The following ZNF804A variants were observed in gnomAD, a reference collection of about 807,000 sequenced individuals.
ZNF804A encodes zinc finger protein 804A.
ZNF804A carries 2 observed loss-of-function variants against 16.5 expected under a neutral mutation model. That is an observed-to-expected ratio of 0.12 (90% CI 0.05 to 0.38). ZNF804A has a LOEUF of 0.38. Ranked by LOEUF, ZNF804A falls within the 10% of genes least tolerant of loss-of-function variation. The probability of loss-of-function intolerance (pLI) is 0.99; values close to 1 mark genes in which losing one functional copy is unlikely to be tolerated. For synonymous variants in ZNF804A, 534 were observed against 489.6 expected (o/e 1.09, Z -1.20); for missense variants, 1,473 against 1,390.7 (o/e 1.06, Z -0.94).
chr2:184,691,691 A>G (rs191146047), intron 1 of ZNF804A, among the ~76,000 whole-genome samples: 1 of 151,798 alleles, frequency 6.6e-6, no homozygotes, highest in Non-Finnish European at 1.5e-5. Context: ...GCATTTATTC[A>G]TATCTTTTAA....
At chr2:184,933,530 A>AC in intron 2 of ZNF804A, 73 bp from the exon 3 acceptor site, 1 of 1,432,362 alleles carries the variant, frequency 7.0e-7, no homozygotes, top group African/African-American at 1.4e-5. Context: ...GAAAATTTCA[A>AC]CAATAACAAT....
At chr2:184,899,280 A>C (rs1685138566) in intron 2 of ZNF804A, among the ~76,000 whole-genome samples, 1 of 152,034 alleles carries the variant, frequency 6.6e-6, no homozygotes, top group African/African-American at 2.4e-5. Context: ...TAGTTTTAAC[A>C]ATAGGCAGAT....
intron 1 of ZNF804A, among the ~76,000 whole-genome samples, chr2:184,806,546 G>C (rs189294850): frequency 2.6e-5 from 4 of 151,820 alleles, no homozygotes; most frequent in Admixed American, 1.3e-4. Context: ...TTTCAAGCCA[G>C]ATAAAATAAT....
At position 184,782,802 on chromosome 2, in the gene ZNF804A, C is replaced by G. The variant is rs1198789171; in HGVS notation, c.112-83567C>G. Among the ~76,000 whole-genome samples, 3 of 142,884 alleles carry G rather than the reference C, an allele frequency of 2.1e-5. No homozygotes were observed. The East Asian group carries it at 6.1e-4, about 29-fold the overall frequency. 93.7% of individuals were successfully genotyped at this position (142,884 alleles called of 152,430 possible). ...TTTTTTTCTGAACTCTTCTCACTCT[C>G]TAGATTCTTAGTCTCTGAAGTTTAG... On this transcript the variant is annotated intron_variant, in intron 1 of 3. Transcript: ENST00000302277.
intron 1 of ZNF804A, among the ~76,000 whole-genome samples, chr2:184,850,225 G>C (rs1229486569): frequency 2.0e-5 from 3 of 151,862 alleles, no homozygotes; most frequent in African/African-American, 7.2e-5. Flanking sequence ...AGTGGAATTA[G>C]AAGGTTCCTA....
intron 1 of ZNF804A, among the ~76,000 whole-genome samples, chr2:184,604,116 A>G (rs1311121833): frequency 7.4e-6 from 1 of 134,546 alleles, no homozygotes; most frequent in Non-Finnish European, 1.6e-5. Context: ...TTCTGCACCA[A>G]TAGTTTCAGG....
chr2:184,765,122 G>A (rs1180975442), intron 1 of ZNF804A, among the ~76,000 whole-genome samples: 3 of 152,088 alleles, frequency 2.0e-5, no homozygotes, highest in Admixed American at 6.5e-5. Context: ...TGGTATATTC[G>A]TAAGAATATA....
chr2:184,898,836 A>G (rs749783388), intron 2 of ZNF804A, among the ~76,000 whole-genome samples: 77 of 151,998 alleles, frequency 5.1e-4, no homozygotes, highest in Non-Finnish European at 9.6e-4. Context: ...TCTAGTTTTA[A>G]AAGTGTGAAA....
intron 2 of ZNF804A, among the ~76,000 whole-genome samples, chr2:184,870,494 C>T (rs1236746851): frequency 6.6e-6 from 1 of 151,842 alleles, no homozygotes; most frequent in Admixed American, 6.6e-5. Flanking sequence ...ATGAAAAAAT[C>T]CAATATTTTG....
At chr2:184,756,595 A>G (rs1693962255) in intron 1 of ZNF804A, among the ~76,000 whole-genome samples, 1 of 152,036 alleles carries the variant, frequency 6.6e-6, no homozygotes, top group Non-Finnish European at 1.5e-5. Context: ...TAATAATCAT[A>G]AAGGAGTGCC....
intron 1 of ZNF804A, among the ~76,000 whole-genome samples, chr2:184,766,715 A>G (rs1694135397): frequency 6.6e-6 from 1 of 152,084 alleles, no homozygotes. Context: ...AAAGTGTCTC[A>G]AAGAGATATT....
At chr2:184,678,886 G>A (rs1324019679) in intron 1 of ZNF804A, among the ~76,000 whole-genome samples, 2 of 152,086 alleles carry the variant, frequency 1.3e-5, no homozygotes, top group Non-Finnish European at 2.9e-5. Context: ...AAATATCTTA[G>A]TGTATTCTTA....
intron 1 of ZNF804A, among the ~76,000 whole-genome samples, chr2:184,650,153 A>G (rs999300402): frequency 2.0e-5 from 3 of 152,182 alleles, no homozygotes; most frequent in Non-Finnish European, 4.4e-5. Flanking sequence ...GGTTGGGTCA[A>G]TATACACAAA....
intron 2 of ZNF804A, among the ~76,000 whole-genome samples, chr2:184,899,398 T>C (rs1685140875): frequency 6.6e-6 from 1 of 152,018 alleles, no homozygotes; most frequent in Non-Finnish European, 1.5e-5. Context: ...GAATCTCTTT[T>C]TTACTTGCTA....
At chr2:184,875,293 A>T (rs1262495744) in intron 2 of ZNF804A, among the ~76,000 whole-genome samples, 1 of 152,196 alleles carries the variant, frequency 6.6e-6, no homozygotes, top group East Asian at 1.9e-4. Flanking sequence ...CCTAAAGGGA[A>T]GTGCTTGGAT....
At chr2:184,666,590 C>T (rs1028586897) in intron 1 of ZNF804A, among the ~76,000 whole-genome samples, 7 of 151,938 alleles carry the variant, frequency 4.6e-5, no homozygotes, top group Non-Finnish European at 1.0e-4. Context: ...GTCACTTTGT[C>T]CTGCACAAGT....
intron 2 of ZNF804A, among the ~76,000 whole-genome samples, chr2:184,932,260 A>C (rs1685714481): frequency 6.6e-6 from 1 of 152,104 alleles, no homozygotes; most frequent in Non-Finnish European, 1.5e-5. Flanking sequence ...ACCCAGCACC[A>C]ATTTACCATA....
chr2:184,716,228 C>T (rs1693211318), intron 1 of ZNF804A, among the ~76,000 whole-genome samples: 1 of 152,090 alleles, frequency 6.6e-6, no homozygotes, highest in Admixed American at 6.6e-5. Flanking sequence ...TTGCCATTTT[C>T]ATGATTATGA....
chr2:184,755,755 A>T (rs1165715721), intron 1 of ZNF804A, among the ~76,000 whole-genome samples: 1 of 151,990 alleles, frequency 6.6e-6, no homozygotes, highest in Admixed American at 6.6e-5. Context: ...TTTGTAAAAG[A>T]TGTGTGCTGC....
Sources: gnomAD v4.1 joint callset for allele counts (sites outside exome capture counted in the v4.1 genomes callset) on GRCh38, gnomAD v4.1.1 for gene constraint, MANE v1.5 for transcripts, NCBI Gene and HGNC (gene_info 2026-07-23, HGNC 2026-07-21) for gene names.